Variants in SYNJ1 observed in about 807,000 individuals in gnomAD.
SYNJ1 encodes synaptojanin 1.
Under a neutral mutation model 168.2 loss-of-function variants are expected in SYNJ1, and 78 were observed. The ratio of observed to expected loss-of-function variants is 0.46; its 90% CI spans 0.39 to 0.56. SYNJ1 has a LOEUF of 0.56. SYNJ1 is among the 20% of genes least tolerant of loss of function. The probability of loss-of-function intolerance (pLI) is 0.00; values close to 1 mark genes in which losing one functional copy is unlikely to be tolerated. For missense variants in SYNJ1, 1,303 were observed against 1,597.6 expected (o/e 0.82, Z 3.14); for synonymous variants, 539 against 548.6 (o/e 0.98, Z 0.24).
chr21:32,656,013 T>A (rs1006486660), intron 21 of SYNJ1, among the ~76,000 whole-genome samples: 1 of 151,078 alleles, frequency 6.6e-6, no homozygotes, highest in Non-Finnish European at 1.5e-5. Flanking sequence ...TATCTCTCCT[T>A]AAAAAAAAAT....
intron 4 of SYNJ1, among the ~76,000 whole-genome samples, chr21:32,696,710 A>G (rs1016347452): frequency 4.6e-5 from 7 of 152,160 alleles, no homozygotes; most frequent in African/African-American, 1.7e-4. Context: ...GAAGACTCAC[A>G]GCAATAGCCC....
At chr21:32,695,329 C>G in intron 4 of SYNJ1, 47 bp from the exon 5 acceptor site, 2 of 1,517,898 alleles carry the variant, frequency 1.3e-6, no homozygotes, top group Non-Finnish European at 1.8e-6. Context: ...TACTAAGTAA[C>G]AAAGTATGAC....
chr21:32,693,978 G>C (rs548677657), intron 6 of SYNJ1, among the ~76,000 whole-genome samples: 7 of 152,164 alleles, frequency 4.6e-5, no homozygotes, highest in African/African-American at 1.7e-4. Context: ...ACACTATAAA[G>C]ACTTCAAAAT....
intron 2 of SYNJ1, among the ~76,000 whole-genome samples, chr21:32,717,084 C>A (rs559389931): frequency 5.9e-5 from 9 of 152,042 alleles, no homozygotes; most frequent in African/African-American, 2.2e-4. Flanking sequence ...CTCAGCCTCT[C>A]GAGTAGCTGG....
chr21:32,670,727 G>A (rs779914504), intron 14 of SYNJ1: 3 of 859,586 alleles, frequency 3.5e-6, no homozygotes, highest in Non-Finnish European at 4.2e-6. Flanking sequence ...TTCAGAAAAG[G>A]CACAAAGAAT....
At chr21:32,666,205 A>C (rs528165643) in intron 16 of SYNJ1, 70 bp from the exon 17 acceptor site, 13 of 1,505,524 alleles carry the variant, frequency 8.6e-6, no homozygotes, top group Middle Eastern at 1.9e-4. Context: ...GAAATGAGGA[A>C]TATACATAAT....
At chr21:32,660,562 G>A (rs2040652622) in intron 18 of SYNJ1, among the ~76,000 whole-genome samples, 1 of 152,252 alleles carries the variant, frequency 6.6e-6, no homozygotes, top group Non-Finnish European at 1.5e-5. Flanking sequence ...ATACATGGAC[G>A]GGAGCAACTT....
In SYNJ1 at chr21:32,650,208, C is replaced by T. The variant is rs774840980; in HGVS notation, c.3013G>A (p.Val1005Ile). The change falls in exon 23 of 33, where the codon GTT (valine) becomes ATT (isoleucine). Residue 1005 changes from valine (V) to isoleucine (I), a missense_variant. Physicochemically the swap from Val to Ile is conservative, Grantham distance 29. Transcript: ENST00000674351. The part of the protein sequence containing the change: ...SSTLLGEDAE[V>I]AADFDMEGDV... ...CCTTCCATATCAAAATCTGCTGCAA[C>T]CTCTGCATCTTCACCAAGCAGGGTA... The T allele has an allele frequency of 5.0e-6, 8 of 1,608,476 alleles. No homozygotes were observed. The highest frequency in any genetic ancestry group is 6.8e-6 in the Non-Finnish European group (8 of 1,178,466).
At chr21:32,670,706 G>A (rs945998157) in intron 14 of SYNJ1, 1 of 768,646 alleles carries the variant, frequency 1.3e-6, no homozygotes, top group African/African-American at 1.9e-5. Flanking sequence ...TAAAACTGGA[G>A]AGAGAAATTA....
At chr21:32,643,575 G>T in intron 26 of SYNJ1, 118 bp from the exon 27 acceptor site, 1 of 1,011,734 alleles carries the variant, frequency 9.9e-7, no homozygotes, top group Non-Finnish European at 1.5e-6. Flanking sequence ...CTCTTTTATT[G>T]CTTTAAATTT....
chr21:32,701,544 C>CGAA (rs938508921), intron 3 of SYNJ1, among the ~76,000 whole-genome samples: 1 of 105,132 alleles, frequency 9.5e-6, no homozygotes, highest in African/African-American at 3.5e-5. Flanking sequence ...CATTACGTGG[C>CGAA]AAAAAAAAAA....
At chr21:32,663,133 A>T (rs147994762) in intron 18 of SYNJ1, among the ~76,000 whole-genome samples, 58 of 152,318 alleles carry the variant, frequency 3.8e-4, no homozygotes, top group Non-Finnish European at 7.4e-4. Context: ...AGGAACTGTA[A>T]TGGGAGATCA....
intron 12 of SYNJ1, among the ~76,000 whole-genome samples, chr21:32,677,752 A>G (rs577208488): frequency 6.6e-6 from 1 of 152,298 alleles, no homozygotes; most frequent in East Asian, 1.9e-4. Flanking sequence ...ACCTTTAGGC[A>G]CCATGCAAAT....
upstream of SYNJ1, chr21:32,728,074 C>G (rs2122964268): frequency 9.1e-5 from 139 of 1,520,502 alleles, no homozygotes; most frequent in Non-Finnish European, 1.2e-4. Flanking sequence ...ATCCGCCCCG[C>G]GCGAGGGAAG....
intron 21 of SYNJ1, among the ~76,000 whole-genome samples, chr21:32,655,327 A>G (rs1019203932): frequency 1.3e-5 from 2 of 152,248 alleles, no homozygotes; most frequent in Admixed American, 6.5e-5. Context: ...TTGGCAAAGT[A>G]TACTGTCATC....
At position 32,717,706 on chromosome 21, in the gene SYNJ1, C is replaced by T. The variant is rs1226834263; in HGVS notation, c.124+9066G>A. Among the ~76,000 whole-genome samples the T allele has an allele frequency of 2.0e-5, 3 of 152,294 alleles. No homozygotes were observed. In the South Asian group the frequency reaches 6.2e-4, roughly 32 times the overall value. ...GCCTACTCCTTTTTGGTGATTCTTT[C>T]CCTGCCTCAAATGGTTTCCTTACAC... is the stretch of plus-strand genomic sequence containing the variant. On this transcript the variant is annotated intron_variant, in intron 2 of 32. Coordinates refer to ENST00000674351, the MANE Select transcript of SYNJ1 (RefSeq NM_203446.3).
rs747138067 is a variant in SYNJ1 at position 32,666,129 on chromosome 21, A to C, written c.1959T>G (p.Val653=). ...TTCCAGTCTTCACAGTATCAACTGC[A>C]ACATCCCTTTGAAACAAAGAATTCT... The part of the protein sequence containing the change: ...RPQHAPFIRD[V]AVDTVKTGMG... The change falls in exon 17 of 33, where the codon GTT becomes GTG. Residue 653 remains valine, a synonymous_variant. Coordinates refer to ENST00000674351, the MANE Select transcript of SYNJ1 (RefSeq NM_203446.3). 1.4e-5 allele frequency: 23 copies of C among 1,591,252 alleles called. No homozygotes were observed. The highest frequency in any genetic ancestry group is 2.0e-5 in the Non-Finnish European group (23 of 1,171,194).
At position 32,675,421 on chromosome 21, in the gene SYNJ1, G is replaced by A. The variant is rs192878519; in HGVS notation, c.1534+911C>T. 8.4e-4 allele frequency among the ~76,000 whole-genome samples: 127 copies of A among 152,090 alleles called. 2 individuals carry two copies. Among genetic ancestry groups the A allele is most frequent in the African/African-American group, 2.9e-3 (120 of 41,532 alleles). On this transcript the variant is annotated intron_variant, in intron 13 of 32. Transcript: ENST00000674351. Reference sequence around the variant, plus strand: ...AAATAAAATAAAAAATTTTAAAAAAGAAATGAGTCTATGCTCAAACAACAG... The same window carrying A: ...AAATAAAATAAAAAATTTTAAAAAAAAAATGAGTCTATGCTCAAACAACAG...
rs566450291 is a variant in SYNJ1 at position 32,692,448 on chromosome 21, G to A, written c.789+1780C>T. ...AAAAATTAGCCAAGTGTGGTGGCAC[G>A]CGCCTATAGTCCCAGCTCTCGGGAG... On this transcript the variant is annotated intron_variant, in intron 6 of 32. Transcript: ENST00000674351. Among the ~76,000 whole-genome samples, 53 of 152,164 alleles carry A rather than the reference G, an allele frequency of 3.5e-4. No individual in the cohort carries two copies. In the South Asian group the frequency reaches 7.3e-3, roughly 21 times the overall value.
Sources: gnomAD v4.1 joint callset for allele counts (sites outside exome capture counted in the v4.1 genomes callset) on GRCh38, gnomAD v4.1.1 for gene constraint, MANE v1.5 for transcripts, NCBI Gene and HGNC (gene_info 2026-07-23, HGNC 2026-07-21) for gene names.